CDH7: variants seen among roughly 807,000 people sequenced by gnomAD.
The protein encoded by CDH7 is cadherin-7.
In CDH7, 25 loss-of-function variants were observed where a neutral mutation model predicts 71.8. That is an observed-to-expected ratio of 0.35 (90% confidence interval 0.25 to 0.49). The LOEUF (loss-of-function observed/expected upper bound fraction) is 0.49. Ranked by LOEUF, CDH7 falls within the 20% of genes least tolerant of loss-of-function variation. The pLI is 0.99. For synonymous variants in CDH7, 381 were observed against 363.8 expected (o/e 1.05, Z -0.54); for missense variants, 862 against 974.6 (o/e 0.88, Z 1.54).
At chr18:65,811,950 CCTTTT>C (rs970604339) in intron 3 of CDH7, among the ~76,000 whole-genome samples, 4 of 121,298 alleles carry the variant, frequency 3.3e-5, no homozygotes, top group Admixed American at 9.2e-5. Flanking sequence ...TATCACAGTA[CCTTTT>C]CTTTTCTTTT....
intron 2 of CDH7, among the ~76,000 whole-genome samples, chr18:65,780,894 C>T (rs1254805487): frequency 6.7e-6 from 1 of 150,118 alleles, no homozygotes; most frequent in Non-Finnish European, 1.5e-5. Flanking sequence ...CCCTTAACTG[C>T]CTTGTTTGCC....
At chr18:65,784,487 C>T (rs906119914) in intron 2 of CDH7, among the ~76,000 whole-genome samples, 1 of 152,078 alleles carries the variant, frequency 6.6e-6, no homozygotes, top group Non-Finnish European at 1.5e-5. Flanking sequence ...CAGCTTCTCA[C>T]AAAGTTGGTG....
intron 1 of CDH7, among the ~76,000 whole-genome samples, chr18:65,759,918 A>G (rs1020707002): frequency 6.6e-6 from 1 of 152,168 alleles, no homozygotes; most frequent in Non-Finnish European, 1.5e-5. Context: ...AGAAATAAAG[A>G]ATTATACATA....
intron 7 of CDH7, among the ~76,000 whole-genome samples, chr18:65,853,906 CATATATATATATATATATATATATAT>C (rs4047846): frequency 0.022 from 766 of 34,212 alleles, 42 homozygotes; most frequent in Middle Eastern, 0.086. Context: ...CATAAATTAC[CATATATATATATATATATATATATAT>C]ATATATATAT....
chr18:65,790,449 A>C (rs148126048), intron 2 of CDH7, among the ~76,000 whole-genome samples: 1 of 152,068 alleles, frequency 6.6e-6, no homozygotes, highest in South Asian at 2.1e-4. Context: ...AGTACTCTAC[A>C]ATACACTGAT....
At chr18:65,871,175 A>G (rs1316163169) in intron 11 of CDH7, among the ~76,000 whole-genome samples, 1 of 152,172 alleles carries the variant, frequency 6.6e-6, no homozygotes. Flanking sequence ...GCAACACCCA[A>G]AAAGTTCGGA....
In CDH7 at chr18:65,884,690, A is replaced by G. The variant is rs1324448660; in HGVS notation, c.*3796A>G. ...TTGTTAGCATTTATATTGAAATATA[A>G]AATCTAAAGCAGCTTAAAATAAGCT... is the stretch of plus-strand genomic sequence containing the variant. On this transcript the variant is annotated 3_prime_UTR_variant, in exon 12 of 12. Coordinates refer to ENST00000397968, the MANE Select transcript of CDH7 (RefSeq NM_004361.5). 6.6e-6 allele frequency: 1 copy of G among 152,214 alleles called. No individual in the cohort carries two copies. Among genetic ancestry groups the G allele is most frequent in the Non-Finnish European group, 1.5e-5 (1 of 68,040 alleles). 9.4% of individuals were successfully genotyped at this position (152,214 alleles called of 1,614,324 possible). A position where few individuals can be genotyped will look rare whatever the true frequency, so the allele number is the denominator to read the frequency against.
At chr18:65,850,501 C>T (rs981239766) in intron 7 of CDH7, among the ~76,000 whole-genome samples, 1 of 151,734 alleles carries the variant, frequency 6.6e-6, no homozygotes, top group Non-Finnish European at 1.5e-5. Flanking sequence ...GCAGGCTCTT[C>T]AGAACGTGGC....
rs1166161377 is a variant in CDH7, at chr18:65,882,025, T to C, written c.*1131T>C. The C allele has an allele frequency of 3.4e-5, 3 of 86,992 alleles. No homozygotes were observed. Among genetic ancestry groups the C allele is most frequent in the African/African-American group, 1.2e-4 (3 of 25,510 alleles). The allele number at this position is 86,992 out of a possible 1,614,324, so 5.4% of individuals were successfully genotyped here. On this transcript the variant is annotated 3_prime_UTR_variant, in exon 12 of 12. Coordinates refer to ENST00000397968, the MANE Select transcript of CDH7 (RefSeq NM_004361.5). ...AGAATTATTTTTCAAGATCATGAGT[T>C]CTACATGCTCCAAAGACGATTTCAA...
upstream of CDH7, chr18:65,750,502 T>G (rs977304527): frequency 2.0e-5 from 3 of 152,324 alleles, no homozygotes; most frequent in African/African-American, 7.2e-5. Flanking sequence ...TCACCCCTCT[T>G]CTTTATTTTC....
intron 1 of CDH7, among the ~76,000 whole-genome samples, chr18:65,757,254 C>T (rs1431836269): frequency 6.6e-6 from 1 of 152,060 alleles, no homozygotes; most frequent in Non-Finnish European, 1.5e-5. Flanking sequence ...AATAAACAGT[C>T]TACTTGAAAC....
At chr18:65,852,489 C>T (rs575158396) in intron 7 of CDH7, among the ~76,000 whole-genome samples, 1 of 152,158 alleles carries the variant, frequency 6.6e-6, no homozygotes, top group African/African-American at 2.4e-5. Flanking sequence ...CACTTGTCAC[C>T]GCTTATTTAC....
intron 2 of CDH7, among the ~76,000 whole-genome samples, chr18:65,768,646 TAC>T (rs1916451689): frequency 6.6e-6 from 1 of 152,202 alleles, no homozygotes; most frequent in Non-Finnish European, 1.5e-5. Flanking sequence ...TGCTCATAGA[TAC>T]AGAGTCACAG....
At chr18:65,816,599 A>G (rs1211338828) in intron 4 of CDH7, among the ~76,000 whole-genome samples, 1 of 152,212 alleles carries the variant, frequency 6.6e-6, no homozygotes, top group East Asian at 1.9e-4. Flanking sequence ...ATTTTTATAA[A>G]TTTCTTCTCA....
intron 6 of CDH7, among the ~76,000 whole-genome samples, chr18:65,833,439 C>T (rs1245756254): frequency 6.6e-6 from 1 of 152,076 alleles, no homozygotes; most frequent in Non-Finnish European, 1.5e-5. Flanking sequence ...ACATTTTATT[C>T]AATTAATCCT....
intron 4 of CDH7, among the ~76,000 whole-genome samples, chr18:65,818,321 T>G (rs1158597510): frequency 6.6e-6 from 1 of 152,192 alleles, no homozygotes; most frequent in Non-Finnish European, 1.5e-5. Context: ...TTATTACAAT[T>G]GGTGAATTGC....
chr18:65,781,984 C>T (rs1339247355), intron 2 of CDH7, among the ~76,000 whole-genome samples: 2 of 55,836 alleles, frequency 3.6e-5, no homozygotes, highest in African/African-American at 3.2e-4. Flanking sequence ...CTCTCTCTCT[C>T]TCTTTCTCTC....
At chr18:65,803,262 C>G (rs770220066) in intron 2 of CDH7, 1 of 151,976 alleles carries the variant, frequency 6.6e-6, no homozygotes, top group Non-Finnish European at 1.5e-5. Context: ...GAAAATGGAC[C>G]GTGACCCCCT....
chr18:65,881,079 T>C lies in CDH7; in HGVS notation c.*185T>C, dbSNP rs1914216663. 1 of 590,906 alleles carries C rather than the reference T, an allele frequency of 1.7e-6. No individual in the cohort carries two copies. The highest frequency in any genetic ancestry group is 2.8e-6 in the Non-Finnish European group (1 of 353,008). The allele number at this position is 590,906 out of a possible 1,614,324, so 36.6% of individuals were successfully genotyped here. A position where few individuals can be genotyped will look rare whatever the true frequency, so the allele number is the denominator to read the frequency against. ...CTGCCTTGGTGAGGCATATCTTCAT[T>C]AGACTTATCTAAAGGACTGCACTGA... On this transcript the variant is annotated 3_prime_UTR_variant, in exon 12 of 12. Coordinates refer to ENST00000397968, the MANE Select transcript of CDH7 (RefSeq NM_004361.5).
Sources: gnomAD v4.1 joint callset for allele counts (sites outside exome capture counted in the v4.1 genomes callset) on GRCh38, gnomAD v4.1.1 for gene constraint, MANE v1.5 for transcripts, NCBI Gene and HGNC (gene_info 2026-07-23, HGNC 2026-07-21) for gene names.